The following PCCA variants were observed in gnomAD, a reference collection of about 807,000 sequenced individuals.
PCCA encodes propionyl-CoA carboxylase alpha chain, mitochondrial.
In PCCA, 74 loss-of-function variants were observed where a neutral mutation model predicts 101.3. The ratio of observed to expected loss-of-function variants is 0.73; its 90% CI spans 0.61 to 0.89. The LOEUF (loss-of-function observed/expected upper bound fraction) is 0.89. Among genes scored for constraint, PCCA ranks in the 40% least tolerant of loss-of-function variants. The pLI is 0.00. For synonymous variants in PCCA, 294 were observed against 313.6 expected (o/e 0.94, Z 0.66); for missense variants, 891 against 907.0 (o/e 0.98, Z 0.23).
intron 20 of PCCA, among the ~76,000 whole-genome samples, chr13:100,432,286 G>A (rs2079614272): frequency 6.6e-6 from 1 of 152,118 alleles, no homozygotes; most frequent in Admixed American, 6.6e-5. Flanking sequence ...TTTAAAAGCG[G>A]TTTCTGTGAT....
At chr13:100,292,134 G>T (rs1055481505) in intron 12 of PCCA, among the ~76,000 whole-genome samples, 1 of 152,158 alleles carries the variant, frequency 6.6e-6, no homozygotes, top group Non-Finnish European at 1.5e-5. Flanking sequence ...GGGTTATCTG[G>T]ATCTCTCATG....
chr13:100,224,372 C>T (rs1391570339), intron 7 of PCCA, among the ~76,000 whole-genome samples: 1 of 152,216 alleles, frequency 6.6e-6, no homozygotes, highest in Non-Finnish European at 1.5e-5. Context: ...CCACGCCCAC[C>T]CGGAACTCCA....
intron 2 of PCCA, among the ~76,000 whole-genome samples, chr13:100,111,178 CTTTTTTTTTTTTT>C (rs965293674): frequency 4.1e-5 from 4 of 98,574 alleles, no homozygotes; most frequent in South Asian, 3.7e-4. Context: ...GACCCAGCTC[CTTTTTTTTTTTTT>C]TTTTTTTTTT....
At chr13:100,197,256 G>A (rs1230863467) in intron 6 of PCCA, among the ~76,000 whole-genome samples, 4 of 152,088 alleles carry the variant, frequency 2.6e-5, no homozygotes, top group African/African-American at 7.2e-5. Flanking sequence ...TGCCCAGGCT[G>A]GAGTGCAGTG....
chr13:100,089,330 C>T (rs2046055242), intron 1 of PCCA, 105 bp downstream of exon 1: 2 of 1,313,206 alleles, frequency 1.5e-6, no homozygotes, highest in Admixed American at 4.0e-5. Flanking sequence ...CCGGCTGCCC[C>T]CGCGCCCCGG....
At chr13:100,277,992 T>A (rs548242944) in intron 12 of PCCA, among the ~76,000 whole-genome samples, 5 of 152,254 alleles carry the variant, frequency 3.3e-5, no homozygotes, top group Non-Finnish European at 7.3e-5. Context: ...TAAATACTTG[T>A]AGCATTTTAT....
intron 7 of PCCA, among the ~76,000 whole-genome samples, chr13:100,224,194 G>A (rs55987992): frequency 0.057 from 8,687 of 152,316 alleles, 340 homozygotes; most frequent in South Asian, 0.12. Flanking sequence ...AGCCCTGCCC[G>A]GCGGGAAGGC....
intron 12 of PCCA, among the ~76,000 whole-genome samples, chr13:100,277,521 C>G (rs1220712067): frequency 6.6e-6 from 1 of 152,110 alleles, no homozygotes; most frequent in Non-Finnish European, 1.5e-5. Flanking sequence ...GCCCAAGTTC[C>G]AAGCTGAGTG....
chr13:100,165,268 G>C (rs1297389475), intron 6 of PCCA, among the ~76,000 whole-genome samples: 7 of 152,144 alleles, frequency 4.6e-5, no homozygotes, highest in Admixed American at 3.3e-4. Flanking sequence ...CATAGTGGCT[G>C]TACCATTTCT....
At position 100,149,460 on chromosome 13, in the gene PCCA, C is replaced by T. The variant is rs577155904; in HGVS notation, c.301-5519C>T. 6.6e-4 allele frequency: 101 copies of T among 152,302 alleles called. 1 individual carries two copies. The highest frequency in any genetic ancestry group is 2.2e-3 in the African/African-American group (93 of 41,574). The allele number at this position is 152,302 out of a possible 1,614,324, so 9.4% of individuals were successfully genotyped here. A position where few individuals can be genotyped will look rare whatever the true frequency, so the allele number is the denominator to read the frequency against. ...TCTGTACCCATTTAACAGTAACTCC[C>T]CATTCCAGGCTCGCCACAGTCTCTG... On this transcript the variant is annotated intron_variant, in intron 4 of 23. Coordinates refer to ENST00000376285, the MANE Select transcript of PCCA (RefSeq NM_000282.4).
chr13:100,205,385 AC>A (rs1217931817), intron 6 of PCCA, among the ~76,000 whole-genome samples: 12 of 152,184 alleles, frequency 7.9e-5, no homozygotes, highest in Non-Finnish European at 1.3e-4. Context: ...TGCTTTAATT[AC>A]TTTTAAAGGC....
rs144182772 is a variant in PCCA, at chr13:100,187,469, C to T, written c.469-21863C>T. On this transcript the variant is annotated intron_variant, in intron 6 of 23. Transcript: ENST00000376285. ...GCTGACCACAAGGTGGGGAATAATACATTATATGAGGTCTGGATGACCTGC... is the reference window on the plus strand; with the variant it reads ...GCTGACCACAAGGTGGGGAATAATATATTATATGAGGTCTGGATGACCTGC... 2.0e-3 allele frequency among the ~76,000 whole-genome samples: 307 copies of T among 152,146 alleles called. 2 individuals carry two copies. Among genetic ancestry groups the T allele is most frequent in the African/African-American group, 7.0e-3 (292 of 41,506 alleles).
chr13:100,283,793 C>T (rs1472952805), intron 12 of PCCA, among the ~76,000 whole-genome samples: 5 of 152,240 alleles, frequency 3.3e-5, no homozygotes, highest in Non-Finnish European at 5.9e-5. Context: ...GCAGGCCAAT[C>T]ACCTGGTAGG....
chr13:100,201,082 T>C (rs2058458409), intron 6 of PCCA, among the ~76,000 whole-genome samples: 1 of 152,154 alleles, frequency 6.6e-6, no homozygotes, highest in Non-Finnish European at 1.5e-5. Context: ...ACTACCAATA[T>C]GATTACTAAA....
chr13:100,129,622 G>A (rs547074471), intron 4 of PCCA, among the ~76,000 whole-genome samples: 13 of 152,288 alleles, frequency 8.5e-5, no homozygotes, highest in Middle Eastern at 6.8e-3. Context: ...TATGGTGATA[G>A]TTTGGACACA....
At chr13:100,141,175 C>T (rs998377361) in intron 4 of PCCA, among the ~76,000 whole-genome samples, 3 of 152,162 alleles carry the variant, frequency 2.0e-5, no homozygotes, top group African/African-American at 7.2e-5. Flanking sequence ...CAAGTTCCTA[C>T]TGATTTTTCT....
intron 4 of PCCA, chr13:100,150,883 T>C (rs776775076): frequency 2.5e-4 from 386 of 1,560,220 alleles, no homozygotes; most frequent in Non-Finnish European, 2.4e-4. Flanking sequence ...CTGGGCGTTT[T>C]CGGCCACCAC....
chr13:100,476,462 G>A (rs1321232045), intron 21 of PCCA, among the ~76,000 whole-genome samples: 1 of 152,162 alleles, frequency 6.6e-6, no homozygotes, highest in Admixed American at 6.5e-5. Context: ...CACTAATATT[G>A]TGAAAAAAGC....
At chr13:100,266,007 A>G (rs1314649648) in intron 10 of PCCA, among the ~76,000 whole-genome samples, 1 of 152,208 alleles carries the variant, frequency 6.6e-6, no homozygotes, top group Non-Finnish European at 1.5e-5. Flanking sequence ...ATCTAAGTGT[A>G]GATGTTGAGT....
Sources: allele counts gnomAD v4.1 joint callset (sites outside exome capture counted in the v4.1 genomes callset), GRCh38; gene constraint gnomAD v4.1.1; transcripts MANE v1.5; gene names NCBI Gene and HGNC (gene_info 2026-07-23, HGNC 2026-07-21).